The following CTNND2 variants were observed in gnomAD, a reference collection of about 807,000 sequenced individuals.
CTNND2 encodes the protein catenin delta-2.
Under a neutral mutation model 144.4 loss-of-function variants are expected in CTNND2, and 22 were observed. The observed-to-expected ratio is 0.15, with a 90% CI of 0.11 to 0.22. The LOEUF is 0.22. Ranked by LOEUF, CTNND2 falls within the 10% of genes least tolerant of loss-of-function variation. The pLI is 1.00. For missense variants in CTNND2, 1,353 were observed against 1,618.8 expected (o/e 0.84, Z 2.82); for synonymous variants, 751 against 695.6 (o/e 1.08, Z -1.25).
Position 11,470,978 on chromosome 5 carries a change from ATAT to A in CTNND2, c.288-58912_288-58910del, listed in dbSNP as rs1439862831. 1.9e-3 allele frequency among the ~76,000 whole-genome samples: 186 copies of A among 95,796 alleles called. 2 individuals are homozygous for A. Among genetic ancestry groups the A allele is most frequent in the African/African-American group, 0.011 (178 of 16,798 alleles). 62.8% of individuals were successfully genotyped at this position (95,796 alleles called of 152,430 possible). A position where few individuals can be genotyped will look rare whatever the true frequency, so the allele number is the denominator to read the frequency against. ...AGTATATATATATATATATATATAT[ATAT>A]TTTTTTTTTTTTTTTAGATGGAGTC... On this transcript the variant is annotated intron_variant, in intron 3 of 21. Transcript: ENST00000304623.
At chr5:11,033,540 TA>T (rs1372097162) in intron 16 of CTNND2, among the ~76,000 whole-genome samples, 1 of 151,868 alleles carries the variant, frequency 6.6e-6, no homozygotes, top group East Asian at 1.9e-4. Context: ...AGAAAAAAAA[TA>T]AAAATCTGGC....
At chr5:11,790,140 C>T (rs1791056859) in intron 1 of CTNND2, among the ~76,000 whole-genome samples, 1 of 152,182 alleles carries the variant, frequency 6.6e-6, no homozygotes, top group Non-Finnish European at 1.5e-5. Context: ...ATTTCATTTA[C>T]TGATTTCCAT....
chr5:11,384,915 C>A lies in CTNND2; in HGVS notation c.927G>T (p.Lys309Asn), dbSNP rs1465493710. The change falls in exon 7 of 22, where the codon AAG becomes AAT. Residue 309 changes from lysine to asparagine, a missense_variant. By Grantham distance (94) the Lys-to-Asn change is moderately conservative. Coordinates refer to ENST00000304623, the MANE Select transcript of CTNND2 (RefSeq NM_001332.4). This position sits in a 1 kb window ranked among gnomAD's most constrained non-coding sequence, Gnocchi z 5.2. ...SPKQSPSRLA[K>N]SYSTSSPINI... ...TGATGGGCGAGCTGGTGCTGTAGGA[C>A]TTGGCCAGGCGGCTGGGCGACTGCT... The A allele has an allele frequency of 1.2e-6, 2 of 1,606,494 alleles. No individual in the cohort carries two copies. The highest frequency in any genetic ancestry group is 1.7e-6 in the Non-Finnish European group (2 of 1,177,726).
rs1182530607 is a variant in CTNND2, at chr5:11,384,931, G to A, written c.911C>T (p.Pro304Leu). The A allele has an allele frequency of 6.3e-7, 1 of 1,599,426 alleles. No individual in the cohort carries two copies. Among genetic ancestry groups the A allele is most frequent in the East Asian group, 2.3e-5 (1 of 44,300 alleles). Residue 304 changes from proline to leucine, a missense_variant, in exon 7 of 22, where the codon CCC (proline) becomes CTC (leucine). Physicochemically the swap from Pro to Leu is moderately conservative, Grantham distance 98. Coordinates refer to ENST00000304623, the MANE Select transcript of CTNND2 (RefSeq NM_001332.4). This position sits in a 1 kb window ranked among gnomAD's most constrained non-coding sequence, Gnocchi z 5.2. ...GCTGTAGGACTTGGCCAGGCGGCTG[G>A]GCGACTGCTTGGGCGAGGAGCCGCG... ...APRGSSPKQS[P>L]SRLAKSYSTS...
chr5:11,423,887 AT>A (rs560080910), intron 3 of CTNND2, among the ~76,000 whole-genome samples: 20 of 151,694 alleles, frequency 1.3e-4, no homozygotes, highest in Admixed American at 3.3e-4. Context: ...TAAAGAAAAA[AT>A]TTTTTTTTTG....
At chr5:11,228,343 C>T (rs1580645829) in intron 10 of CTNND2, among the ~76,000 whole-genome samples, 1 of 110,362 alleles carries the variant, frequency 9.1e-6, no homozygotes, top group East Asian at 3.1e-4. Flanking sequence ...GACTCTGTCT[C>T]TCTCTCTCTC....
At chr5:11,120,490 G>C (rs111894607) in intron 12 of CTNND2, among the ~76,000 whole-genome samples, 1 of 107,920 alleles carries the variant, frequency 9.3e-6, no homozygotes. Flanking sequence ...GGGTTATCAT[G>C]CTGTCCGCAG....
chr5:11,604,302 A>C (rs1000113531), intron 2 of CTNND2, among the ~76,000 whole-genome samples: 1 of 152,194 alleles, frequency 6.6e-6, no homozygotes, highest in African/African-American at 2.4e-5. Context: ...AAAATTTACA[A>C]ACTCTCTACT....
chr5:11,823,461 A>C lies in CTNND2; in HGVS notation c.37+80356T>G, dbSNP rs142439040. 5.1e-3 allele frequency among the ~76,000 whole-genome samples: 779 copies of C among 152,338 alleles called. 9 individuals carry two copies. The highest frequency in any genetic ancestry group is 0.018 in the African/African-American group (746 of 41,582). On this transcript the variant is annotated intron_variant, in intron 1 of 21. Transcript: ENST00000304623. ...CTGAAAGTGTAACAGCCACTGTTAC[A>C]AAAACACACTGGTGGCCAAATTGTT...
intron 2 of CTNND2, among the ~76,000 whole-genome samples, chr5:11,646,862 C>T (rs1782384475): frequency 1.3e-5 from 2 of 152,202 alleles, no homozygotes; most frequent in African/African-American, 4.8e-5. Context: ...TGGAAAGGTG[C>T]ACCCTGGTCT....
intron 9 of CTNND2, among the ~76,000 whole-genome samples, chr5:11,319,123 G>A (rs1751791717): frequency 6.6e-6 from 1 of 151,948 alleles, no homozygotes; most frequent in Admixed American, 6.6e-5. Context: ...CATGTAAAGT[G>A]GCACACCTCT....
chr5:11,719,876 A>ACCCCCC (rs1554109703), intron 2 of CTNND2, among the ~76,000 whole-genome samples: 2 of 144,196 alleles, frequency 1.4e-5, no homozygotes, highest in African/African-American at 5.3e-5. Context: ...ACACACACAC[A>ACCCCCC]CCACAGATCC....
intron 2 of CTNND2, among the ~76,000 whole-genome samples, chr5:11,682,107 T>G (rs907096827): frequency 6.6e-6 from 1 of 152,210 alleles, no homozygotes; most frequent in Non-Finnish European, 1.5e-5. Context: ...TGAGACACAG[T>G]GCAGAGTCAT....
chr5:10,980,880 A>G (rs1737153047), intron 21 of CTNND2, among the ~76,000 whole-genome samples: 1 of 151,410 alleles, frequency 6.6e-6, no homozygotes, highest in East Asian at 1.9e-4. Flanking sequence ...AACATCACAC[A>G]CTGGGGCCTG....
At chr5:11,679,128 G>GAA (rs1784315673) in intron 2 of CTNND2, among the ~76,000 whole-genome samples, 1 of 151,818 alleles carries the variant, frequency 6.6e-6, no homozygotes, top group Admixed American at 6.6e-5. Flanking sequence ...ACCAATCAGT[G>GAA]TGATCAGGGA....
In CTNND2 at chr5:11,286,316, T is replaced by C. The variant is rs117755131; in HGVS notation, c.1629-49493A>G. On this transcript the variant is annotated intron_variant, in intron 9 of 21. Coordinates refer to ENST00000304623, the MANE Select transcript of CTNND2 (RefSeq NM_001332.4). ...CCATCAATAATTTATAAATGCCTCCTATATAGTTAATAATGGTTTTCACTT... is the reference window on the plus strand; with the variant it reads ...CCATCAATAATTTATAAATGCCTCCCATATAGTTAATAATGGTTTTCACTT... Among the ~76,000 whole-genome samples the C allele has an allele frequency of 2.0e-4, 31 of 152,330 alleles. No homozygotes were observed. The East Asian group carries it at 5.8e-3, about 28-fold the overall frequency.
intron 2 of CTNND2, among the ~76,000 whole-genome samples, chr5:11,635,739 A>G (rs1781653586): frequency 6.6e-6 from 1 of 152,058 alleles, no homozygotes; most frequent in South Asian, 2.1e-4. Context: ...TATAACATAG[A>G]TGGGCTATTC....
intron 7 of CTNND2, among the ~76,000 whole-genome samples, chr5:11,367,966 A>T (rs1239188009): frequency 2.0e-5 from 3 of 152,170 alleles, no homozygotes; most frequent in African/African-American, 7.2e-5. Flanking sequence ...TCTCAATTTT[A>T]TAATAGGGTT....
At chr5:11,229,903 A>T (rs1304478298) in intron 10 of CTNND2, among the ~76,000 whole-genome samples, 29 of 151,890 alleles carry the variant, frequency 1.9e-4, no homozygotes, top group Non-Finnish European at 1.5e-5. Context: ...TGTGCATTGG[A>T]AGAAATGGGG....
Sources: gnomAD v4.1 joint callset for allele counts (sites outside exome capture counted in the v4.1 genomes callset) on GRCh38, gnomAD v4.1.1 for gene constraint, Gnocchi (gnomAD v3.1) non-coding constraint, MANE v1.5 for transcripts, NCBI Gene and HGNC (gene_info 2026-07-23, HGNC 2026-07-21) for gene names.